Variants in ZNF469 observed in about 807,000 individuals in gnomAD.
ZNF469 encodes the protein zinc finger protein 469.
Under a neutral mutation model 1.0 loss-of-function variants are expected in ZNF469, and 1 was observed. That is an observed-to-expected ratio of 1.00 (90% confidence interval 0.35 to 4.73). ZNF469 has a LOEUF of 4.73. ZNF469 is among the 30% of genes most tolerant of loss of function. ZNF469 has a pLI of 0.16. For missense variants in ZNF469, 6,100 were observed against 5,356.3 expected (o/e 1.14, Z -4.33); for synonymous variants, 2,703 against 2,363.4 (o/e 1.14, Z -4.17).
the ZNF469 span, among the ~76,000 whole-genome samples, chr16:88,190,613 C>T: frequency 1.3e-5 from 2 of 152,140 alleles, no homozygotes; most frequent in African/African-American, 4.8e-5. Context: ...ATTGAAGACT[C>T]CAGGCTGGAA....
the ZNF469 span, among the ~76,000 whole-genome samples, chr16:88,366,121 A>C: frequency 6.6e-6 from 1 of 151,560 alleles, no homozygotes; most frequent in Non-Finnish European, 1.5e-5. Flanking sequence ...CATCATCACC[A>C]TCATCACCAT....
chr16:88,411,076 G>A (rs909724826), intron 1 of ZNF469, among the ~76,000 whole-genome samples: 3 of 152,186 alleles, frequency 2.0e-5, no homozygotes, highest in Non-Finnish European at 4.4e-5. Context: ...AATCCAGGGC[G>A]ACTCCTCTTA....
At chr16:88,408,793 G>A (rs1036433936) in intron 1 of ZNF469, among the ~76,000 whole-genome samples, 6 of 152,228 alleles carry the variant, frequency 3.9e-5, no homozygotes, top group African/African-American at 1.4e-4. Context: ...GCCTGTGCCC[G>A]GCACCCAATG....
the ZNF469 span, among the ~76,000 whole-genome samples, chr16:88,354,036 A>G: frequency 6.6e-6 from 1 of 152,228 alleles, no homozygotes; most frequent in Admixed American, 6.5e-5. Flanking sequence ...GTAAGGACAC[A>G]GGGCCAGGGA....
the ZNF469 span, among the ~76,000 whole-genome samples, chr16:88,327,690 C>T: frequency 2.6e-5 from 4 of 152,174 alleles, no homozygotes; most frequent in Non-Finnish European, 5.9e-5. Flanking sequence ...GCCCTCTCCC[C>T]TCCCACCTTC....
chr16:88,433,018 C>A lies in ZNF469; in HGVS notation c.5548C>A (p.Pro1850Thr), dbSNP rs199932922. Reference protein sequence around the residue: ...GGHLHPTAGRPGFEGNEFAPA... With the variant: ...GGHLHPTAGRTGFEGNEFAPA... ...GCACCTCCACCCCACGGCAGGGAGG[C>A]CTGGCTTTGAGGGTAATGAGTTTGC... is the stretch of plus-strand genomic sequence containing the variant. The change falls in exon 3 of 3, where the codon CCT (proline) becomes ACT (threonine). Residue 1850 changes from proline to threonine, a missense_variant. Coordinates refer to ENST00000565624, the MANE Select transcript of ZNF469 (RefSeq NM_001367624.2). The A allele has an allele frequency of 1.2e-3, 1,802 of 1,550,382 alleles. 2 individuals carry two copies. Among genetic ancestry groups the A allele is most frequent in the Non-Finnish European group, 1.4e-3 (1,621 of 1,146,972 alleles).
chr16:88,189,769 A>G, the ZNF469 span, among the ~76,000 whole-genome samples: 2 of 152,152 alleles, frequency 1.3e-5, no homozygotes, highest in Non-Finnish European at 2.9e-5. The surrounding 1 kb of genome is among the most constrained non-coding windows in gnomAD (Gnocchi z 4.3). Flanking sequence ...AATACAAAAA[A>G]TTAGCTGGGC....
chr16:88,167,230 T>A, the ZNF469 span, among the ~76,000 whole-genome samples: 2 of 151,816 alleles, frequency 1.3e-5, no homozygotes, highest in East Asian at 3.9e-4. Context: ...CCCGGCTAAT[T>A]TTTGTTTTTT....
chr16:88,344,769 G>A, the ZNF469 span, among the ~76,000 whole-genome samples: 1 of 152,224 alleles, frequency 6.6e-6, no homozygotes, highest in East Asian at 1.9e-4. Context: ...TCCTGGGAGG[G>A]GCCGCTATGG....
At chr16:88,161,387 TC>T in the ZNF469 span, among the ~76,000 whole-genome samples, 3 of 152,314 alleles carry the variant, frequency 2.0e-5, no homozygotes, top group Non-Finnish European at 4.4e-5. Context: ...AGGTGTGTGC[TC>T]ATCAGAATCT....
chr16:88,348,528 C>T, the ZNF469 span, among the ~76,000 whole-genome samples: 4 of 152,312 alleles, frequency 2.6e-5, no homozygotes, highest in East Asian at 7.7e-4. Flanking sequence ...ACCCTCAGCC[C>T]CAGAACTGGG....
chr16:88,374,582 C>T, the ZNF469 span, among the ~76,000 whole-genome samples: 75 of 152,364 alleles, frequency 4.9e-4, no homozygotes, highest in African/African-American at 1.7e-3. Context: ...CATGACATGA[C>T]GAAGTCCATG....
chr16:88,122,405 A>G, the ZNF469 span, among the ~76,000 whole-genome samples: 3,110 of 140,232 alleles, frequency 0.022, 104 homozygotes, highest in African/African-American at 0.077. Flanking sequence ...CCCGTCACTC[A>G]CTACAGCCAT....
At chr16:88,385,234 T>C (rs897907433) in intron 1 of ZNF469, among the ~76,000 whole-genome samples, 3 of 151,766 alleles carry the variant, frequency 2.0e-5, no homozygotes, top group African/African-American at 7.3e-5. Context: ...TCTCCTGGAG[T>C]CTTGTCACCA....
the ZNF469 span, among the ~76,000 whole-genome samples, chr16:88,316,048 G>A: frequency 4.6e-5 from 7 of 152,234 alleles, no homozygotes; most frequent in Admixed American, 6.5e-5. Context: ...TGGACCACGC[G>A]TCACCAGGGC....
intron 2 of ZNF469, among the ~76,000 whole-genome samples, chr16:88,426,010 C>T (rs1188432758): frequency 1.3e-5 from 2 of 152,242 alleles, no homozygotes; most frequent in Non-Finnish European, 2.9e-5. Context: ...GTACCAACCT[C>T]GTGCTGGGGA....
At position 88,434,303 on chromosome 16, in the gene ZNF469, C is replaced by A. The variant is rs1906411042; in HGVS notation, c.6833C>A (p.Ser2278Tyr). Residue 2278 changes from serine (S) to tyrosine (Y), a missense_variant, in exon 3 of 3, where the codon TCC becomes TAC. Coordinates refer to ENST00000565624, the MANE Select transcript of ZNF469 (RefSeq NM_001367624.2). ...TCTCCTCCTCTGGCAGGGGCCGTCT[C>A]CCCCAGCGTGGCCGTCAGGGCTACT... ...ATSPPLAGAVSPSVAVRATGL... is the reference protein window; with the variant it reads ...ATSPPLAGAVYPSVAVRATGL... 5.2e-6 allele frequency: 8 copies of A among 1,550,364 alleles called. No homozygotes were observed. Among genetic ancestry groups the A allele is most frequent in the Non-Finnish European group, 6.1e-6 (7 of 1,146,974 alleles).
the ZNF469 span, among the ~76,000 whole-genome samples, chr16:88,147,790 G>A: frequency 6.6e-6 from 1 of 152,182 alleles, no homozygotes; most frequent in Non-Finnish European, 1.5e-5. Context: ...GCCCTCCACA[G>A]CCCACGTGCA....
At chr16:88,282,606 C>G in the ZNF469 span, among the ~76,000 whole-genome samples, 1 of 152,186 alleles carries the variant, frequency 6.6e-6, no homozygotes, top group Non-Finnish European at 1.5e-5. Context: ...TCGCCAGACT[C>G]CTCCACACAG....
Sources: gnomAD v4.1 joint callset for allele counts (sites outside exome capture counted in the v4.1 genomes callset) on GRCh38, gnomAD v4.1.1 for gene constraint, Gnocchi (gnomAD v3.1) non-coding constraint, MANE v1.5 for transcripts, NCBI Gene and HGNC (gene_info 2026-07-23, HGNC 2026-07-21) for gene names.